Variants in NEDD4L observed in about 807,000 individuals in gnomAD.
NEDD4L encodes the protein NEDD4 like E3 ubiquitin protein ligase.
NEDD4L carries 54 observed loss-of-function variants against 148.9 expected under a neutral mutation model. That is an observed-to-expected ratio of 0.36 (90% CI 0.29 to 0.45). The LOEUF is 0.45. Among genes scored for constraint, NEDD4L ranks in the 20% least tolerant of loss-of-function variants. NEDD4L has a pLI of 1.00. For missense variants in NEDD4L, 856 were observed against 1,233.8 expected (o/e 0.69, Z 4.59); for synonymous variants, 433 against 440.7 (o/e 0.98, Z 0.22).
At chr18:58,145,618 T>A (rs753889157) in intron 1 of NEDD4L, among the ~76,000 whole-genome samples, 8 of 146,700 alleles carry the variant, frequency 5.5e-5, no homozygotes, top group Non-Finnish European at 1.1e-4. Context: ...CTATGGATGT[T>A]TAAGGAATTG....
Position 58,259,784 on chromosome 18 carries a change from G to A in NEDD4L, c.297+7730G>A, listed in dbSNP as rs569315442. On this transcript the variant is annotated intron_variant, in intron 5 of 30. Transcript: ENST00000400345. ...TGCATATGCTATTGGAGAAGAGAGC[G>A]TTCTTTCAGCTCAAGCTCTCTGGAC... is the stretch of plus-strand genomic sequence containing the variant. Among the ~76,000 whole-genome samples the A allele has an allele frequency of 2.6e-5, 4 of 152,300 alleles. No homozygotes were observed. In the East Asian group the frequency reaches 5.8e-4, roughly 22 times the overall value.
intron 2 of NEDD4L, among the ~76,000 whole-genome samples, chr18:58,172,446 T>C (rs1478829634): frequency 6.6e-6 from 1 of 152,344 alleles, no homozygotes; most frequent in East Asian, 1.9e-4. Flanking sequence ...CAGCAGCTCC[T>C]GTTTCTTGAG....
chr18:58,125,965 G>A (rs1183867316), intron 1 of NEDD4L, among the ~76,000 whole-genome samples: 4 of 152,208 alleles, frequency 2.6e-5, no homozygotes, highest in Admixed American at 6.5e-5. Context: ...CCTGGCGCAC[G>A]CACCAAACGG....
chr18:58,254,624 T>G (rs2048298924), intron 5 of NEDD4L, among the ~76,000 whole-genome samples: 1 of 151,970 alleles, frequency 6.6e-6, no homozygotes, highest in Non-Finnish European at 1.5e-5. Flanking sequence ...TTTTGTTGTT[T>G]GTTTGTTTTT....
At chr18:58,130,333 G>T (rs541771094) in intron 1 of NEDD4L, among the ~76,000 whole-genome samples, 1 of 144,952 alleles carries the variant, frequency 6.9e-6, no homozygotes, top group Non-Finnish European at 1.5e-5. Flanking sequence ...CTGTGGTGTC[G>T]GGCTCTGTTG....
chr18:58,146,973 T>C (rs1283316474), intron 1 of NEDD4L, among the ~76,000 whole-genome samples: 4 of 151,500 alleles, frequency 2.6e-5, no homozygotes, highest in African/African-American at 9.7e-5. Flanking sequence ...TGGGTAAGGG[T>C]GGGATGAGCT....
At chr18:58,283,487 A>G (rs1050083565) in intron 5 of NEDD4L, among the ~76,000 whole-genome samples, 12 of 152,146 alleles carry the variant, frequency 7.9e-5, no homozygotes, top group Non-Finnish European at 1.6e-4. Flanking sequence ...TGGGAAGTAC[A>G]TTTTTACCAT....
intron 2 of NEDD4L, among the ~76,000 whole-genome samples, chr18:58,177,705 C>T (rs972918078): frequency 6.6e-6 from 1 of 152,190 alleles, no homozygotes; most frequent in Admixed American, 6.5e-5. Context: ...ATCTTGAATC[C>T]ATTTGGGAAA....
chr18:58,228,263 G>A (rs552947758), intron 2 of NEDD4L, among the ~76,000 whole-genome samples: 4 of 112,006 alleles, frequency 3.6e-5, no homozygotes, highest in Non-Finnish European at 5.2e-5. Context: ...AAACAACTGC[G>A]CTACTGATAG....
intron 1 of NEDD4L, among the ~76,000 whole-genome samples, chr18:58,109,071 A>G (rs1371669582): frequency 6.6e-6 from 1 of 152,248 alleles, no homozygotes; most frequent in Non-Finnish European, 1.5e-5. Context: ...AATAGAAAAC[A>G]ATATATAGCA....
rs929429495 is a variant in NEDD4L at position 58,396,035 on chromosome 18, G to GT, written c.2826-125dup. On this transcript the variant is annotated intron_variant, in intron 30 of 30. Transcript: ENST00000400345. ...TGTTTCATAGCTAGAGGTTTTTGGG[G>GT]TTTTTTTCTCCAGGTAATCAAAATT... The GT allele has an allele frequency of 2.7e-5, 16 of 586,804 alleles. No homozygotes were observed. In the Admixed American group the frequency reaches 3.3e-4, roughly 12 times the overall value. 36.3% of individuals were successfully genotyped at this position (586,804 alleles called of 1,614,324 possible). A position where few individuals can be genotyped will look rare whatever the true frequency, so the allele number is the denominator to read the frequency against.
chr18:58,204,577 C>T (rs761568656), intron 2 of NEDD4L, among the ~76,000 whole-genome samples: 2 of 152,136 alleles, frequency 1.3e-5, no homozygotes, highest in Non-Finnish European at 2.9e-5. Context: ...GGGATTGCTC[C>T]AACCAAATGA....
intron 2 of NEDD4L, among the ~76,000 whole-genome samples, chr18:58,218,576 G>A (rs944695677): frequency 1.3e-5 from 2 of 152,118 alleles, no homozygotes; most frequent in Admixed American, 6.6e-5. Context: ...GAGGCTGCTC[G>A]TCCCTCCTCT....
At chr18:58,225,188 G>A (rs1174875468) in intron 2 of NEDD4L, among the ~76,000 whole-genome samples, 4 of 152,188 alleles carry the variant, frequency 2.6e-5, no homozygotes, top group Non-Finnish European at 4.4e-5. Flanking sequence ...CCTGTCACCC[G>A]TGTGGAACTG....
Position 58,098,149 on chromosome 18 carries a change from G to A in NEDD4L, c.48+53441G>A, listed in dbSNP as rs572591148. 6.8e-4 allele frequency among the ~76,000 whole-genome samples: 103 copies of A among 152,304 alleles called. 1 individual carries two copies. The highest frequency in any genetic ancestry group is 2.3e-3 in the African/African-American group (97 of 41,576). On this transcript the variant is annotated intron_variant, in intron 1 of 30. Transcript: ENST00000400345. ...AATCTGACAAGTGGCAGAATGCAGG[G>A]CCATGGGAAGGGGGAGAGTTCATGC...
chr18:58,180,110 C>T (rs2038673123), intron 2 of NEDD4L, among the ~76,000 whole-genome samples: 1 of 152,216 alleles, frequency 6.6e-6, no homozygotes, highest in African/African-American at 2.4e-5. Context: ...CCTGGGCAAA[C>T]ACTTCGGTGA....
chr18:58,341,859 C>A, intron 15 of NEDD4L, 62 bp downstream of exon 15: 1 of 1,560,352 alleles, frequency 6.4e-7, no homozygotes, highest in East Asian at 2.4e-5. Flanking sequence ...TCTTTCTTCT[C>A]TCTTAACTCT....
chr18:58,196,323 A>G (rs2040684998), intron 2 of NEDD4L, among the ~76,000 whole-genome samples: 1 of 152,212 alleles, frequency 6.6e-6, no homozygotes, highest in East Asian at 1.9e-4. Context: ...GGATACACAC[A>G]CTTTCTCATT....
intron 5 of NEDD4L, among the ~76,000 whole-genome samples, chr18:58,280,886 T>C (rs2052953637): frequency 6.6e-6 from 1 of 152,164 alleles, no homozygotes; most frequent in South Asian, 2.1e-4. Context: ...TGGTAAAAGA[T>C]TAATCAACAA....
Sources: gnomAD v4.1 joint callset for allele counts (sites outside exome capture counted in the v4.1 genomes callset) on GRCh38, gnomAD v4.1.1 for gene constraint, MANE v1.5 for transcripts, NCBI Gene and HGNC (gene_info 2026-07-23, HGNC 2026-07-21) for gene names.